Variants in RBL1 observed in about 807,000 individuals in gnomAD.
RBL1 encodes retinoblastoma-like protein 1.
Under a neutral mutation model 123.0 loss-of-function variants are expected in RBL1, and 82 were observed. The ratio of observed to expected loss-of-function variants is 0.67; its 90% CI spans 0.56 to 0.80. The LOEUF is 0.80. RBL1 is among the 30% of genes least tolerant of loss of function. The pLI is 0.00. For synonymous variants in RBL1, 405 were observed against 441.3 expected (o/e 0.92, Z 1.03); for missense variants, 1,171 against 1,299.6 (o/e 0.90, Z 1.52).
At chr20:37,040,118 T>C (rs751045146) in intron 14 of RBL1, 35 bp downstream of exon 14, 1 of 1,605,142 alleles carries the variant, frequency 6.2e-7, no homozygotes, top group African/African-American at 1.3e-5. Context: ...ATGCCCTTTG[T>C]TACTTTTTCA....
At chr20:37,005,897 T>TC (rs1272658110) in intron 20 of RBL1, among the ~76,000 whole-genome samples, 20 of 136,448 alleles carry the variant, frequency 1.5e-4, no homozygotes, top group African/African-American at 2.0e-4. Flanking sequence ...TTTCTTTCTT[T>TC]TTTTTTTTTT....
chr20:37,023,804 A>T (rs1156551880), intron 16 of RBL1, among the ~76,000 whole-genome samples: 1 of 115,554 alleles, frequency 8.7e-6, no homozygotes, highest in Admixed American at 1.1e-4. Context: ...TTTGAGACGG[A>T]GTCTCACTCT....
intron 2 of RBL1, among the ~76,000 whole-genome samples, chr20:37,068,841 C>T (rs536339221): frequency 3.3e-5 from 5 of 152,128 alleles, no homozygotes; most frequent in Non-Finnish European, 5.9e-5. Flanking sequence ...AGCTCTCCCT[C>T]TCCCTCTCCC....
intron 21 of RBL1, among the ~76,000 whole-genome samples, chr20:37,000,337 C>T (rs1323379964): frequency 1.3e-5 from 2 of 150,372 alleles, no homozygotes; most frequent in African/African-American, 2.5e-5. Context: ...CAGCCCCCCA[C>T]CCGGCCAGCC....
At position 37,061,255 on chromosome 20, in the gene RBL1, T is replaced by G; in HGVS notation, c.1098A>C (p.Ala366=). 6.2e-7 allele frequency: 1 copy of G among 1,608,772 alleles called. No individual in the cohort carries two copies. Among genetic ancestry groups the G allele is most frequent in the Non-Finnish European group, 8.5e-7 (1 of 1,177,976 alleles). ...QQHFEKKRSF[A]PSTPLTGRRY... ...TCCGTCCGGTCAGTGGGGTAGAAGGTGCAAATGACCTTTTCTGTCAGAAAA... is the reference window on the plus strand; with the variant it reads ...TCCGTCCGGTCAGTGGGGTAGAAGGGGCAAATGACCTTTTCTGTCAGAAAA... Residue 366 remains alanine (A), a synonymous_variant, in exon 9 of 22, where the codon GCA becomes GCC. Transcript: ENST00000373664.
chr20:37,063,052 G>A (rs1427001366), intron 7 of RBL1, among the ~76,000 whole-genome samples: 1 of 152,182 alleles, frequency 6.6e-6, no homozygotes, highest in Non-Finnish European at 1.5e-5. Context: ...GAGTCATTGG[G>A]TCTGTTTATG....
intron 16 of RBL1, among the ~76,000 whole-genome samples, chr20:37,029,257 C>G (rs767328089): frequency 2.0e-5 from 3 of 152,092 alleles, no homozygotes; most frequent in Non-Finnish European, 2.9e-5. Context: ...AGATTTCTTC[C>G]AGGAGCCCCT....
At chr20:37,081,906 C>G (rs2065456905) in intron 2 of RBL1, 1 of 438,960 alleles carries the variant, frequency 2.3e-6, no homozygotes, top group Non-Finnish European at 4.6e-6. Flanking sequence ...CCTGCTGGCT[C>G]AGCGAGATTG....
chr20:37,023,766 C>T (rs2146232409), intron 16 of RBL1, among the ~76,000 whole-genome samples: 1 of 138,230 alleles, frequency 7.2e-6, no homozygotes, highest in Admixed American at 8.4e-5. Flanking sequence ...CCAGACTATT[C>T]TATTCAAACT....
chr20:37,000,959 G>A (rs1381583626), intron 21 of RBL1, among the ~76,000 whole-genome samples: 6 of 140,838 alleles, frequency 4.3e-5, no homozygotes, highest in South Asian at 2.2e-4. Flanking sequence ...GCCTCTGCCC[G>A]GCCGCCCCTA....
Position 37,095,958 on chromosome 20 carries a change from G to T in RBL1, c.-30C>A. 8 of 1,467,018 alleles carry T rather than the reference G, an allele frequency of 5.5e-6. No individual in the cohort carries two copies. The highest frequency in any genetic ancestry group is 7.3e-6 in the Non-Finnish European group (8 of 1,100,088). The allele number at this position is 1,467,018 out of a possible 1,614,324, so 90.9% of individuals were successfully genotyped here. The stretch of plus-strand genomic sequence containing the variant: ...TCAGGCCCCGCGGGCTGCGCGCCAC[G>T]GCCCCCGACTTCTTTCTCCCTCCCA... On this transcript the variant is annotated 5_prime_UTR_variant, in exon 1 of 22. Coordinates refer to ENST00000373664, the MANE Select transcript of RBL1 (RefSeq NM_002895.5).
rs764036090 is a variant in RBL1, at chr20:37,068,099, C to T, written c.378G>A (p.Glu126=). 3.1e-6 allele frequency: 5 copies of T among 1,613,406 alleles called. No homozygotes were observed. Among genetic ancestry groups the T allele is most frequent in the Non-Finnish European group, 4.2e-6 (5 of 1,179,874 alleles). Residue 126 remains glutamate, a synonymous_variant, in exon 3 of 22, where the codon GAG becomes GAA. Transcript: ENST00000373664. ...QEFRERIERL[E]RNFEVSTVIF... The stretch of plus-strand genomic sequence containing the variant: ...TTACAGTAGACACCTCAAAATTTCT[C>T]TCTAGCCTTTCTATACGTTCACGAA...
chr20:37,085,823 G>A (rs2065536292), intron 2 of RBL1, among the ~76,000 whole-genome samples: 1 of 151,594 alleles, frequency 6.6e-6, no homozygotes, highest in Admixed American at 6.6e-5. Context: ...TTTTGTTTTT[G>A]TATTTTTAGT....
rs532798827 is a variant in RBL1 at position 37,045,550 on chromosome 20, C to T, written c.1606-1300G>A. 2.2e-4 allele frequency among the ~76,000 whole-genome samples: 34 copies of T among 151,972 alleles called. 1 individual carries two copies. The highest frequency in any genetic ancestry group is 2.6e-4 in the Admixed American group (4 of 15,268). ...AGAGGATTGCTTGAGACCAGGAGTT[C>T]GAGACCAGCCTGGGCAACATAGTGA... On this transcript the variant is annotated intron_variant, in intron 12 of 21. Transcript: ENST00000373664.
intron 15 of RBL1, among the ~76,000 whole-genome samples, chr20:37,033,164 G>A (rs910936199): frequency 6.7e-6 from 1 of 149,660 alleles, no homozygotes; most frequent in African/African-American, 2.5e-5. Flanking sequence ...GACTACAGGT[G>A]CAAGCCACTA....
chr20:37,095,507 C>G (rs747104811), intron 1 of RBL1, among the ~76,000 whole-genome samples: 1 of 152,156 alleles, frequency 6.6e-6, no homozygotes, highest in Admixed American at 6.5e-5. Flanking sequence ...TGGCGCTTGG[C>G]GGGGTAGAGG....
At chr20:37,019,723 A>G (rs2064309539) in intron 18 of RBL1, among the ~76,000 whole-genome samples, 1 of 152,184 alleles carries the variant, frequency 6.6e-6, no homozygotes, top group Non-Finnish European at 1.5e-5. Context: ...GGGCCAGAGA[A>G]GAGGCCATTA....
intron 11 of RBL1, among the ~76,000 whole-genome samples, chr20:37,052,569 G>A (rs1471559728): frequency 6.6e-6 from 1 of 152,114 alleles, no homozygotes; most frequent in Non-Finnish European, 1.5e-5. Context: ...GAGTGCAGTG[G>A]TGCGATCTTG....
intron 7 of RBL1, among the ~76,000 whole-genome samples, chr20:37,063,646 G>C (rs997318102): frequency 1.3e-5 from 2 of 151,638 alleles, no homozygotes; most frequent in Non-Finnish European, 2.9e-5. Context: ...CAAGCAGCTG[G>C]GATTATAGGT....
Sources: allele counts gnomAD v4.1 joint callset (sites outside exome capture counted in the v4.1 genomes callset), GRCh38; gene constraint gnomAD v4.1.1; transcripts MANE v1.5; gene names NCBI Gene and HGNC (gene_info 2026-07-23, HGNC 2026-07-21).